PIK3C2G: variants seen among roughly 807,000 people sequenced by gnomAD.
PIK3C2G encodes the protein phosphatidylinositol-4-phosphate 3-kinase catalytic subunit type 2 gamma.
PIK3C2G carries 168 observed loss-of-function variants against 181.1 expected under a neutral mutation model. The ratio of observed to expected loss-of-function variants is 0.93; its 90% CI spans 0.82 to 1.05. The LOEUF (loss-of-function observed/expected upper bound fraction) is 1.05. Among genes scored for constraint, PIK3C2G ranks in the 50% least tolerant of loss-of-function variants. The probability of loss-of-function intolerance (pLI) is 0.00; values close to 1 mark genes in which losing one functional copy is unlikely to be tolerated. For synonymous variants in PIK3C2G, 573 were observed against 592.2 expected (o/e 0.97, Z 0.47); for missense variants, 1,869 against 1,732.8 (o/e 1.08, Z -1.40).
At chr12:18,272,782 T>C (rs530005626) in intron 1 of PIK3C2G, among the ~76,000 whole-genome samples, 3 of 152,282 alleles carry the variant, frequency 2.0e-5, no homozygotes, top group South Asian at 4.1e-4. Flanking sequence ...GATATCTTTC[T>C]TGTGAACTAG....
rs190470835 is a variant in PIK3C2G at position 18,518,860 on chromosome 12, G to A, written c.3323+13399G>A. ...TGTGAGATATTTCCAGCTTTCTGATGTGGATATTTAGTGCTATAAATTTCC... is the reference window on the plus strand; with the variant it reads ...TGTGAGATATTTCCAGCTTTCTGATATGGATATTTAGTGCTATAAATTTCC... On this transcript the variant is annotated intron_variant, in intron 24 of 32. Coordinates refer to ENST00000538779, the MANE Select transcript of PIK3C2G (RefSeq NM_001288772.2). 1.8e-3 allele frequency among the ~76,000 whole-genome samples: 269 copies of A among 152,280 alleles called. 1 individual carries two copies. The highest frequency in any genetic ancestry group is 6.2e-3 in the African/African-American group (258 of 41,576).
chr12:18,474,753 C>T (rs1406893577), intron 18 of PIK3C2G, among the ~76,000 whole-genome samples: 1 of 151,974 alleles, frequency 6.6e-6, no homozygotes, highest in Non-Finnish European at 1.5e-5. Flanking sequence ...ATTATAGAAT[C>T]CTTCTAAAGA....
rs1483911250 is a variant in PIK3C2G, at chr12:18,284,103, C to CAA, written c.678+1344_678+1345insAA. ...GGGTCAGAAGTAGAGAGAGGACTTA[C>CAA]GGCTTGGCCAAGTATTGGGATGTGC... is the stretch of plus-strand genomic sequence containing the variant. On this transcript the variant is annotated intron_variant, in intron 2 of 32. Transcript: ENST00000538779. 2.2e-3 allele frequency among the ~76,000 whole-genome samples: 340 copies of CAA among 152,128 alleles called. 2 individuals carry two copies. Among genetic ancestry groups the CAA allele is most frequent in the African/African-American group, 5.6e-3 (234 of 41,504 alleles).
At chr12:18,581,438 T>A (rs1946494667) in intron 29 of PIK3C2G, among the ~76,000 whole-genome samples, 1 of 152,200 alleles carries the variant, frequency 6.6e-6, no homozygotes, top group Non-Finnish European at 1.5e-5. Context: ...TCCCAAACGT[T>A]TATTTATTTA....
At chr12:18,396,861 T>C (rs2138098115) in intron 15 of PIK3C2G, among the ~76,000 whole-genome samples, 1 of 151,954 alleles carries the variant, frequency 6.6e-6, no homozygotes, top group East Asian at 1.9e-4. Context: ...CAAACTCATC[T>C]ATAAATAAAA....
In PIK3C2G at chr12:18,508,480, C is replaced by T. The variant is rs559980222; in HGVS notation, c.3323+3019C>T. Among the ~76,000 whole-genome samples, 230 of 152,220 alleles carry T rather than the reference C, an allele frequency of 1.5e-3. 9 individuals carry two copies. The highest frequency in any genetic ancestry group is 1.1e-3 in the Non-Finnish European group (73 of 68,008). On this transcript the variant is annotated intron_variant, in intron 24 of 32. Transcript: ENST00000538779. ...TTTTAGGTACACAAAAGTCCTTTTA[C>T]AAGTCTTATAGGTCCTATAAGTAGG...
intron 16 of PIK3C2G, among the ~76,000 whole-genome samples, chr12:18,406,915 T>G (rs908583247): frequency 1.3e-5 from 2 of 152,192 alleles, no homozygotes; most frequent in African/African-American, 4.8e-5. Flanking sequence ...TTTGTCCTTG[T>G]ATGCTTTTGG....
chr12:18,665,262 T>C, the PIK3C2G span, among the ~76,000 whole-genome samples: 16,215 of 152,064 alleles, frequency 0.11, 1,113 homozygotes, highest in African/African-American at 0.2. Context: ...AAAGGGTATA[T>C]AGACTTTCAG....
chr12:18,611,083 T>G (rs1948306678), intron 31 of PIK3C2G, among the ~76,000 whole-genome samples: 1 of 152,010 alleles, frequency 6.6e-6, no homozygotes, highest in Non-Finnish European at 1.5e-5. Context: ...CCAAATTACT[T>G]TTGACAGTTT....
chr12:18,358,547 C>A, intron 11 of PIK3C2G: 1 of 354,318 alleles, frequency 2.8e-6, no homozygotes, highest in South Asian at 2.6e-5. Context: ...TACCTTTCTG[C>A]CACTGAAGCA....
intron 1 of PIK3C2G, 50 bp from the exon 2 acceptor site, chr12:18,281,952 GCT>G (rs1949238549): frequency 1.3e-5 from 8 of 630,906 alleles, no homozygotes; most frequent in Admixed American, 6.1e-5. Context: ...TGTCTTACAA[GCT>G]CTTTTCTTTC....
chr12:18,637,887 A>T (rs1472356209), intron 31 of PIK3C2G, among the ~76,000 whole-genome samples: 2 of 152,202 alleles, frequency 1.3e-5, no homozygotes, highest in Non-Finnish European at 2.9e-5. Flanking sequence ...TCCATGTGTC[A>T]GCCAACCCAG....
intron 18 of PIK3C2G, among the ~76,000 whole-genome samples, chr12:18,477,273 A>T (rs1030064035): frequency 6.6e-6 from 1 of 152,148 alleles, no homozygotes; most frequent in Admixed American, 6.5e-5. Flanking sequence ...ACACAATTCA[A>T]AACAAAAACG....
At chr12:18,570,133 T>C (rs1409859366) in intron 29 of PIK3C2G, among the ~76,000 whole-genome samples, 1 of 152,168 alleles carries the variant, frequency 6.6e-6, no homozygotes, top group Non-Finnish European at 1.5e-5. Flanking sequence ...TGGTGATCCA[T>C]GATCAACGGC....
At chr12:18,463,766 A>G (rs1482076703) in intron 18 of PIK3C2G, among the ~76,000 whole-genome samples, 1 of 152,178 alleles carries the variant, frequency 6.6e-6, no homozygotes, top group Non-Finnish European at 1.5e-5. Flanking sequence ...ACAATTGAGG[A>G]AACTGGAGGC....
intron 13 of PIK3C2G, among the ~76,000 whole-genome samples, chr12:18,372,043 C>T (rs2137883125): frequency 6.6e-6 from 1 of 152,120 alleles, no homozygotes; most frequent in South Asian, 2.1e-4. Context: ...TTTCCCTCTG[C>T]TGTTTTAGAA....
chr12:18,705,486 T>C, the PIK3C2G span, among the ~76,000 whole-genome samples: 2 of 152,162 alleles, frequency 1.3e-5, no homozygotes, highest in Non-Finnish European at 2.9e-5. Flanking sequence ...ACAGAGACCA[T>C]TAAATCTGCA....
At chr12:18,284,166 G>A (rs891265350) in intron 2 of PIK3C2G, among the ~76,000 whole-genome samples, 3 of 152,168 alleles carry the variant, frequency 2.0e-5, no homozygotes, top group Admixed American at 2.0e-4. Flanking sequence ...GTTTGGCTGA[G>A]AATTGGATAG....
At chr12:18,356,393 C>G (rs1940732204) in intron 11 of PIK3C2G, among the ~76,000 whole-genome samples, 1 of 152,128 alleles carries the variant, frequency 6.6e-6, no homozygotes, top group Admixed American at 6.5e-5. Context: ...CGGGCCAGGA[C>G]AAGTGCTTCT....
Sources: allele counts gnomAD v4.1 joint callset (sites outside exome capture counted in the v4.1 genomes callset), GRCh38; gene constraint gnomAD v4.1.1; transcripts MANE v1.5; gene names NCBI Gene and HGNC (gene_info 2026-07-23, HGNC 2026-07-21).